Variants in ZFYVE27 observed in about 807,000 individuals in gnomAD.
The protein encoded by ZFYVE27 is protrudin.
ZFYVE27 carries 36 observed loss-of-function variants against 52.8 expected under a neutral mutation model. The ratio of observed to expected loss-of-function variants is 0.68; its 90% CI spans 0.52 to 0.90. The LOEUF is 0.90. Ranked by LOEUF, ZFYVE27 falls within the 40% of genes least tolerant of loss-of-function variation. ZFYVE27 has a pLI of 0.00. For missense variants in ZFYVE27, 450 were observed against 527.2 expected (o/e 0.85, Z 1.43); for synonymous variants, 223 against 215.6 (o/e 1.03, Z -0.30).
rs752186737 is a variant in ZFYVE27 at position 97,753,174 on chromosome 10, A to G, written c.1034A>G (p.Asn345Ser). 3.1e-6 allele frequency: 5 copies of G among 1,611,132 alleles called. No homozygotes were observed. Among genetic ancestry groups the G allele is most frequent in the Non-Finnish European group, 1.7e-6 (2 of 1,179,308 alleles). Reference protein sequence around the residue: ...TERLRKRYPTNNFGNCTGCSA... With the variant: ...TERLRKRYPTSNFGNCTGCSA... ...CGGCTCCGCAAGCGCTACCCCACCAACAACTTCGGTGCGGCCAGGGGACAG... is the reference window on the plus strand; with the variant it reads ...CGGCTCCGCAAGCGCTACCCCACCAGCAACTTCGGTGCGGCCAGGGGACAG... Residue 345 changes from asparagine (N) to serine (S), a missense_variant, in exon 10 of 13, where the codon AAC becomes AGC. Coordinates refer to ENST00000684270, the MANE Select transcript of ZFYVE27 (RefSeq NM_001385875.1).
Position 97,744,918 on chromosome 10 carries a change from G to A in ZFYVE27, c.455+3G>A. 1 of 1,563,946 alleles carries A rather than the reference G, an allele frequency of 6.4e-7. No homozygotes were observed. The highest frequency in any genetic ancestry group is 8.7e-7 in the Non-Finnish European group (1 of 1,154,748). ...GCCGTGGCTGAGGTGAAGAGCTTGT[G>A]AGTATGGAAGAGAGGCCAGGGAGGT... On this transcript the variant is annotated splice_donor_region_variant and intron_variant, in intron 4 of 12. Transcript: ENST00000684270.
At chr10:97,748,044 CT>C (rs2136138493) in intron 4 of ZFYVE27, among the ~76,000 whole-genome samples, 1 of 152,326 alleles carries the variant, frequency 6.6e-6, no homozygotes, top group Non-Finnish European at 1.5e-5. Context: ...AACATTTATA[CT>C]GTTTCCACCT....
At chr10:97,746,206 GT>G (rs938400378) in intron 4 of ZFYVE27, among the ~76,000 whole-genome samples, 2 of 151,720 alleles carry the variant, frequency 1.3e-5, no homozygotes, top group African/African-American at 4.8e-5. Context: ...GTGCCACCAT[GT>G]CCAGCTAATT....
At position 97,760,342 on chromosome 10, in the gene ZFYVE27, C is replaced by T. The variant is rs1264812444; in HGVS notation, c.*1042C>T. The T allele has an allele frequency of 6.6e-6, 1 of 152,252 alleles. No homozygotes were observed. The highest frequency in any genetic ancestry group is 6.5e-5 in the Admixed American group (1 of 15,282). 9.4% of individuals were successfully genotyped at this position (152,252 alleles called of 1,614,324 possible). On this transcript the variant is annotated 3_prime_UTR_variant, in exon 13 of 13. Coordinates refer to ENST00000684270, the MANE Select transcript of ZFYVE27 (RefSeq NM_001385875.1). ...GCCCCCTGGGGGTCTCCATTTCTTT[C>T]CAACAGTTTCATGTTCACTACTGGA...
At chr10:97,754,186 C>T (rs2047733465) in intron 10 of ZFYVE27, among the ~76,000 whole-genome samples, 2 of 152,138 alleles carry the variant, frequency 1.3e-5, no homozygotes. Context: ...AGGAATTTGA[C>T]TCAGGGCCCC....
chr10:97,746,144 GT>G (rs1197630746), intron 4 of ZFYVE27, among the ~76,000 whole-genome samples: 1 of 149,508 alleles, frequency 6.7e-6, no homozygotes, highest in African/African-American at 2.5e-5. Context: ...TGCCTCCTGT[GT>G]TCAGGCGATT....
chr10:97,757,135 C>T, intron 10 of ZFYVE27, 130 bp from the exon 11 acceptor site: 1 of 1,314,116 alleles, frequency 7.6e-7, no homozygotes, highest in Non-Finnish European at 1.1e-6. Flanking sequence ...TGGCCTTGCT[C>T]CCTGGCTCAC....
In ZFYVE27 at chr10:97,759,366, C is replaced by T; in HGVS notation, c.*66C>T. On this transcript the variant is annotated 3_prime_UTR_variant, in exon 13 of 13. Transcript: ENST00000684270. ...CCAGCAGTAGACCCCCCACTCTCCCCACCCCTGGCCCACTGTGGTGTGTGC... is the reference window on the plus strand; with the variant it reads ...CCAGCAGTAGACCCCCCACTCTCCCTACCCCTGGCCCACTGTGGTGTGTGC... The T allele has an allele frequency of 1.3e-6, 2 of 1,560,744 alleles. No individual in the cohort carries two copies. Among genetic ancestry groups the T allele is most frequent in the African/African-American group, 1.4e-5 (1 of 73,952 alleles).
intron 5 of ZFYVE27, 80 bp from the exon 6 acceptor site, chr10:97,749,394 C>T (rs1390738193): frequency 6.8e-6 from 7 of 1,032,636 alleles, no homozygotes; most frequent in Non-Finnish European, 1.1e-5. Context: ...CTCACCTGGA[C>T]CCTGCTGTGG....
intron 1 of ZFYVE27, among the ~76,000 whole-genome samples, chr10:97,737,776 A>C (rs894103745): frequency 1.3e-5 from 2 of 152,236 alleles, no homozygotes; most frequent in African/African-American, 4.8e-5. Flanking sequence ...GAAAGGGCAG[A>C]CGGGAATGGG....
At chr10:97,739,684 T>C (rs961544350) in intron 2 of ZFYVE27, among the ~76,000 whole-genome samples, 1 of 152,024 alleles carries the variant, frequency 6.6e-6, no homozygotes, top group Admixed American at 6.6e-5. Flanking sequence ...AGTCCAGGAG[T>C]GTGCATTGTT....
intron 1 of ZFYVE27, among the ~76,000 whole-genome samples, chr10:97,737,777 C>T (rs552333891): frequency 1.1e-3 from 161 of 152,298 alleles, no homozygotes; most frequent in Middle Eastern, 3.4e-3. Context: ...AAAGGGCAGA[C>T]GGGAATGGGG....
At chr10:97,738,930 C>T in intron 2 of ZFYVE27, 1 of 506,548 alleles carries the variant, frequency 2.0e-6, no homozygotes, top group Non-Finnish European at 3.6e-6. Flanking sequence ...GCTCCTTCCT[C>T]TGGACTGCTG....
chr10:97,753,770 G>T (rs1284764252), intron 10 of ZFYVE27, among the ~76,000 whole-genome samples: 1 of 152,176 alleles, frequency 6.6e-6, no homozygotes, highest in Non-Finnish European at 1.5e-5. Context: ...CCACGCTGTG[G>T]GTTCCTAGGA....
chr10:97,753,962 C>A (rs1176978344), intron 10 of ZFYVE27, among the ~76,000 whole-genome samples: 1 of 152,184 alleles, frequency 6.6e-6, no homozygotes, highest in African/African-American at 2.4e-5. Context: ...GCTTAGAGAC[C>A]TGGCTCAGAT....
At chr10:97,757,610 G>C in intron 11 of ZFYVE27, 32 bp from the exon 12 acceptor site, 2 of 1,610,514 alleles carry the variant, frequency 1.2e-6, no homozygotes, top group Non-Finnish European at 1.7e-6. Context: ...CTGAGGGTGA[G>C]GGACACATCT....
chr10:97,740,644 G>A (rs1306453813), intron 2 of ZFYVE27, among the ~76,000 whole-genome samples: 1 of 152,252 alleles, frequency 6.6e-6, no homozygotes, highest in Non-Finnish European at 1.5e-5. Context: ...GGTTAAAGCA[G>A]GATGCAGGAG....
At chr10:97,741,374 A>G (rs1162173146) in intron 2 of ZFYVE27, among the ~76,000 whole-genome samples, 1 of 152,238 alleles carries the variant, frequency 6.6e-6, no homozygotes, top group Non-Finnish European at 1.5e-5. Context: ...AATGTCCATC[A>G]ATGATAGACT....
At chr10:97,744,663 C>T (rs2044685267) in intron 3 of ZFYVE27, 66 bp from the exon 4 acceptor site, 8 of 1,584,004 alleles carry the variant, frequency 5.1e-6, no homozygotes, top group East Asian at 4.5e-5. Flanking sequence ...AAGCAGTGGG[C>T]GTCTGGGTGG....
Sources: gnomAD v4.1 joint callset for allele counts (sites outside exome capture counted in the v4.1 genomes callset) on GRCh38, gnomAD v4.1.1 for gene constraint, MANE v1.5 for transcripts, NCBI Gene and HGNC (gene_info 2026-07-23, HGNC 2026-07-21) for gene names.